CNNM4: variants seen among roughly 807,000 people sequenced by gnomAD.
CNNM4 encodes the protein cyclin and CBS domain divalent metal cation transport mediator 4.
CNNM4 carries 32 observed loss-of-function variants against 53.7 expected under a neutral mutation model. That is an observed-to-expected ratio of 0.60 (90% CI 0.45 to 0.80). The LOEUF (loss-of-function observed/expected upper bound fraction) is 0.80, where lower values mean the gene tolerates loss of function less well. Ranked by LOEUF, CNNM4 falls within the 30% of genes least tolerant of loss-of-function variation. CNNM4 has a pLI of 0.00. For missense variants in CNNM4, 784 were observed against 1,022.0 expected, an observed-to-expected ratio of 0.77 and a Z score of 3.17; for synonymous variants, 410 against 440.0, an observed-to-expected ratio of 0.93 and a Z score of 0.85.
chr2:96,776,519 A>T (rs1014389005), intron 1 of CNNM4, among the ~76,000 whole-genome samples: 1 of 152,204 alleles, frequency 6.6e-6, no homozygotes, highest in Non-Finnish European at 1.5e-5. Context: ...TGTAAAATTG[A>T]CTAATGTTAA....
intron 1 of CNNM4, among the ~76,000 whole-genome samples, chr2:96,775,180 T>C (rs2153345727): frequency 6.6e-6 from 1 of 151,954 alleles, no homozygotes; most frequent in South Asian, 2.1e-4. Context: ...GCCACTGAGC[T>C]CCAGTAATAA....
chr2:96,811,513 T>C lies in CNNM4; in HGVS notation c.*1996T>C, dbSNP rs2079257669. The C allele has an allele frequency of 6.6e-6, 1 of 152,594 alleles. No homozygotes were observed. Among genetic ancestry groups the C allele is most frequent in the Non-Finnish European group, 1.5e-5 (1 of 68,034 alleles). The allele number at this position is 152,594 out of a possible 1,614,324, so 9.5% of individuals were successfully genotyped here. ...CATCCCTTCTCACAGAGGGTCATCA[T>C]TATTTCCAAATATTGTTTGTCTGAT... On this transcript the variant is annotated 3_prime_UTR_variant, in exon 7 of 7. Coordinates refer to ENST00000377075, the MANE Select transcript of CNNM4 (RefSeq NM_020184.4).
At chr2:96,776,748 G>T (rs1462963261) in intron 1 of CNNM4, among the ~76,000 whole-genome samples, 1 of 152,106 alleles carries the variant, frequency 6.6e-6, no homozygotes, top group Non-Finnish European at 1.5e-5. Context: ...GAGTAGCTGG[G>T]ATTACAGGCA....
In CNNM4 at chr2:96,801,616, C is replaced by CAGAGACCACACGCAG. The variant is rs1026291178; in HGVS notation, c.1948+1980_1948+1994dup. ...AGACCACACACACAGAGACCACACA[C>CAGAGACCACACGCAG]AGAGACCACACGCAGAGAGACCACA... On this transcript the variant is annotated intron_variant, in intron 5 of 6. Transcript: ENST00000377075. This position sits in a 1 kb window ranked among gnomAD's most constrained non-coding sequence, Gnocchi z 5.6. Among the ~76,000 whole-genome samples the CAGAGACCACACGCAG allele has an allele frequency of 2.0e-4, 29 of 147,700 alleles. No homozygotes were observed. Among genetic ancestry groups the CAGAGACCACACGCAG allele is most frequent in the Non-Finnish European group, 3.7e-4 (25 of 67,150 alleles).
intron 1 of CNNM4, among the ~76,000 whole-genome samples, chr2:96,787,954 G>A (rs896684003): frequency 5.3e-5 from 8 of 152,180 alleles, no homozygotes; most frequent in Admixed American, 1.3e-4. Context: ...ACAGAGTCTC[G>A]CTGTGTTGCC....
rs568300785 is a variant in CNNM4 at position 96,764,389 on chromosome 2, G to T, written c.1402+1988G>T. On this transcript the variant is annotated intron_variant, in intron 1 of 6. Transcript: ENST00000377075. Reference sequence around the variant, plus strand: ...TCTGCTTAACAGAGGCCAGTAGCCTGAGGCCAAGCCCTGGAGCAGTGCTGG... The same window carrying T: ...TCTGCTTAACAGAGGCCAGTAGCCTTAGGCCAAGCCCTGGAGCAGTGCTGG... Among the ~76,000 whole-genome samples, 10 of 152,326 alleles carry T rather than the reference G, an allele frequency of 6.6e-5. No homozygotes were observed. In the East Asian group the frequency reaches 1.7e-3, roughly 26 times the overall value.
intron 1 of CNNM4, among the ~76,000 whole-genome samples, chr2:96,768,723 G>A (rs2078840290): frequency 6.6e-6 from 1 of 152,230 alleles, no homozygotes. Context: ...GCCCAGCATT[G>A]TTTACACTGG....
Position 96,801,211 on chromosome 2 carries a change from CAT to C in CNNM4, c.1948+1564_1948+1565del, listed in dbSNP as rs1181241136. ...CACTGCAGCTGCATTAACCTCCCCA[CAT>C]GGACCCGGACCCCCGCCTGCTCAAT... On this transcript the variant is annotated intron_variant, in intron 5 of 6. Coordinates refer to ENST00000377075, the MANE Select transcript of CNNM4 (RefSeq NM_020184.4). The surrounding 1 kb of genome is among the most constrained non-coding windows in gnomAD (Gnocchi z 5.6). The C allele has an allele frequency of 5.0e-6, 4 of 802,814 alleles. No individual in the cohort carries two copies. In the East Asian group the frequency reaches 5.0e-4, roughly 100 times the overall value. The allele number at this position is 802,814 out of a possible 1,614,324, so 49.7% of individuals were successfully genotyped here. A position where few individuals can be genotyped will look rare whatever the true frequency, so the allele number is the denominator to read the frequency against.
chr2:96,801,133 A>G lies in CNNM4; in HGVS notation c.1948+1485A>G. 2.0e-6 allele frequency: 2 copies of G among 985,278 alleles called. No homozygotes were observed. Among genetic ancestry groups the G allele is most frequent in the South Asian group, 9.4e-5 (2 of 21,292 alleles). The allele number at this position is 985,278 out of a possible 1,614,324, so 61.0% of individuals were successfully genotyped here. ...GGAACTCCCTGCTCTGCTGGCTCAC[A>G]GGTAACGTGGCACAGCTGAGGGTCA... On this transcript the variant is annotated intron_variant, in intron 5 of 6. Coordinates refer to ENST00000377075, the MANE Select transcript of CNNM4 (RefSeq NM_020184.4). The surrounding 1 kb of genome is among the most constrained non-coding windows in gnomAD (Gnocchi z 5.6).
At chr2:96,777,522 A>G (rs2078936417) in intron 1 of CNNM4, among the ~76,000 whole-genome samples, 2 of 151,970 alleles carry the variant, frequency 1.3e-5, no homozygotes, top group African/African-American at 4.8e-5. Context: ...CTACTTTGAG[A>G]CAGAGTCTTG....
intron 1 of CNNM4, among the ~76,000 whole-genome samples, chr2:96,764,128 A>T (rs1033847826): frequency 1.3e-5 from 2 of 152,102 alleles, no homozygotes; most frequent in Non-Finnish European, 2.9e-5. Flanking sequence ...CCTTCCCATC[A>T]GTTCATTTGG....
chr2:96,773,147 A>C (rs1237109099), intron 1 of CNNM4, among the ~76,000 whole-genome samples: 1 of 152,212 alleles, frequency 6.6e-6, no homozygotes, highest in Admixed American at 6.5e-5. Context: ...AACTTTCCCA[A>C]GAGTTAGAAG....
intron 1 of CNNM4, among the ~76,000 whole-genome samples, chr2:96,792,111 C>T (rs1318445134): frequency 4.0e-5 from 6 of 150,648 alleles, no homozygotes; most frequent in South Asian, 2.1e-4. Flanking sequence ...AAAAATTAGC[C>T]GAGTGTGGTG....
intron 1 of CNNM4, among the ~76,000 whole-genome samples, chr2:96,770,677 C>G (rs1157647435): frequency 2.0e-5 from 3 of 152,220 alleles, no homozygotes; most frequent in Non-Finnish European, 4.4e-5. Context: ...CCCACATGAA[C>G]CTGGTTGACT....
rs1250631920 is a variant in CNNM4, at chr2:96,761,491, G to A, written c.492G>A (p.Thr164=). The A allele has an allele frequency of 4.3e-6, 7 of 1,613,968 alleles. No individual in the cohort carries two copies. The highest frequency in any genetic ancestry group is 2.2e-5 in the South Asian group (2 of 91,092). The change falls in exon 1 of 7, where the codon ACG becomes ACA. Residue 164 remains threonine (T), a synonymous_variant. Coordinates refer to ENST00000377075, the MANE Select transcript of CNNM4 (RefSeq NM_020184.4). The surrounding 1 kb of genome is among the most constrained non-coding windows in gnomAD (Gnocchi z 6.0). ...AQPDGPWLKW[T]DKDSLLFMVE... ...CCGACGGGCCCTGGCTGAAGTGGAC[G>A]GACAAGGACTCACTGCTCTTCATGG...
At position 96,809,997 on chromosome 2, in the gene CNNM4, G is replaced by A. The variant is rs569563923; in HGVS notation, c.*480G>A. On this transcript the variant is annotated 3_prime_UTR_variant, in exon 7 of 7. Transcript: ENST00000377075. The stretch of plus-strand genomic sequence containing the variant: ...CCCTTCCTCCTCCTCCTCCTCCTCC[G>A]GAGGTGGGATCCCAGAGCCTGCCAG... 6.8e-4 allele frequency: 105 copies of A among 154,448 alleles called. No individual in the cohort carries two copies. Among genetic ancestry groups the A allele is most frequent in the African/African-American group, 2.3e-3 (94 of 41,544 alleles). 9.6% of individuals were successfully genotyped at this position (154,448 alleles called of 1,614,324 possible).
At chr2:96,768,733 G>A (rs2078840584) in intron 1 of CNNM4, among the ~76,000 whole-genome samples, 1 of 152,188 alleles carries the variant, frequency 6.6e-6, no homozygotes, top group African/African-American at 2.4e-5. Context: ...GTTTACACTG[G>A]AGCTTCTCAC....
intron 1 of CNNM4, 102 bp downstream of exon 1, chr2:96,762,503 C>A: frequency 8.8e-7 from 1 of 1,140,428 alleles, no homozygotes; most frequent in Non-Finnish European, 1.3e-6. Context: ...TTGTGTGACT[C>A]TGTGTCCCTT....
intron 5 of CNNM4, among the ~76,000 whole-genome samples, chr2:96,803,563 T>G (rs1282206778): frequency 6.6e-6 from 1 of 151,926 alleles, no homozygotes; most frequent in African/African-American, 2.4e-5. Context: ...CCATCTCTAC[T>G]AAAAATACAA....
Sources: gnomAD v4.1 joint callset for allele counts (sites outside exome capture counted in the v4.1 genomes callset) on GRCh38, gnomAD v4.1.1 for gene constraint, Gnocchi (gnomAD v3.1) non-coding constraint, MANE v1.5 for transcripts, NCBI Gene and HGNC (gene_info 2026-07-23, HGNC 2026-07-21) for gene names.